Variants in HSDL2 observed in about 807,000 individuals in gnomAD.
HSDL2 encodes hydroxysteroid dehydrogenase like 2, also known as hydroxysteroid dehydrogenase-like protein 2.
Under a neutral mutation model 46.3 loss-of-function variants are expected in HSDL2, and 27 were observed. That is an observed-to-expected ratio of 0.58 (90% confidence interval 0.43 to 0.80). The LOEUF is 0.80. Among genes scored for constraint, HSDL2 ranks in the 30% least tolerant of loss-of-function variants. The pLI, the probability that HSDL2 is intolerant of heterozygous loss-of-function variation, is 0.00. For missense variants in HSDL2, 451 were observed against 502.7 expected, an observed-to-expected ratio of 0.90 and a Z score of 0.98; for synonymous variants, 153 against 163.6, an observed-to-expected ratio of 0.94 and a Z score of 0.50.
At chr9:112,415,680 G>T (rs1356626330) in intron 4 of HSDL2, among the ~76,000 whole-genome samples, 1 of 152,078 alleles carries the variant, frequency 6.6e-6, no homozygotes, top group Non-Finnish European at 1.5e-5. Context: ...TCAAGGATTT[G>T]TTTTTTTCCA....
chr9:112,456,897 A>G (rs776333367), intron 9 of HSDL2, among the ~76,000 whole-genome samples: 33 of 152,098 alleles, frequency 2.2e-4, no homozygotes, highest in Admixed American at 3.3e-4. Context: ...GCTCGTGCCT[A>G]TTATCCCAGC....
chr9:112,464,491 G>A (rs959869313), intron 10 of HSDL2, among the ~76,000 whole-genome samples: 5 of 151,596 alleles, frequency 3.3e-5, no homozygotes, highest in South Asian at 2.1e-4. Context: ...CTTTTTTACC[G>A]TTGTGAAATG....
At chr9:112,419,930 T>C (rs1240571152) in intron 6 of HSDL2, among the ~76,000 whole-genome samples, 1 of 152,244 alleles carries the variant, frequency 6.6e-6, no homozygotes, top group African/African-American at 2.4e-5. Context: ...TCTTACCCTC[T>C]GCTTGTATAT....
chr9:112,410,659 GCTCATGCTTGTAATC>G (rs35996801), intron 4 of HSDL2, among the ~76,000 whole-genome samples: 69,251 of 151,904 alleles, frequency 0.46, 15,933 homozygotes, highest in South Asian at 0.51. Flanking sequence ...AGGCATGGCG[GCTCATGCTTGTAATC>G]CCAGCACTTT....
At chr9:112,438,333 C>A (rs1587955304) in intron 6 of HSDL2, 98 bp from the exon 7 acceptor site, 2 of 802,644 alleles carry the variant, frequency 2.5e-6, no homozygotes, top group Non-Finnish European at 3.5e-6. Flanking sequence ...AAGGATTAGC[C>A]TTGATAATTG....
Position 112,380,114 on chromosome 9 carries a change from C to G in HSDL2, c.-50C>G. On this transcript the variant is annotated 5_prime_UTR_variant, in exon 1 of 11. Coordinates refer to ENST00000398805, the MANE Select transcript of HSDL2 (RefSeq NM_032303.5). Reference sequence around the variant, plus strand: ...GGAGGGACGGTCCAGCTTTAGCTCTCTGCTCGCCGCCGCCGCTGTCGCCGC... The same window carrying G: ...GGAGGGACGGTCCAGCTTTAGCTCTGTGCTCGCCGCCGCCGCTGTCGCCGC... The G allele has an allele frequency of 6.6e-7, 1 of 1,520,254 alleles. No individual in the cohort carries two copies. The highest frequency in any genetic ancestry group is 1.4e-5 in the African/African-American group (1 of 72,622). The allele number at this position is 1,520,254 out of a possible 1,614,324, so 94.2% of individuals were successfully genotyped here.
intron 6 of HSDL2, among the ~76,000 whole-genome samples, chr9:112,422,949 T>C (rs771633238): frequency 8.5e-5 from 13 of 152,200 alleles, no homozygotes; most frequent in Non-Finnish European, 1.6e-4. Flanking sequence ...ACGTTGCTGA[T>C]ACAAAGGGAC....
At chr9:112,421,011 G>A (rs1832109707) in intron 6 of HSDL2, among the ~76,000 whole-genome samples, 2 of 152,122 alleles carry the variant, frequency 1.3e-5, no homozygotes, top group South Asian at 4.1e-4. Flanking sequence ...TGCATAGTGG[G>A]AACCACTTTT....
At chr9:112,394,844 A>G (rs1831423446) in intron 1 of HSDL2, among the ~76,000 whole-genome samples, 1 of 152,178 alleles carries the variant, frequency 6.6e-6, no homozygotes, top group Non-Finnish European at 1.5e-5. Context: ...GAGTGGGGCA[A>G]TGGTCATCTG....
At chr9:112,455,491 T>C (rs576640234) in intron 9 of HSDL2, among the ~76,000 whole-genome samples, 16 of 152,270 alleles carry the variant, frequency 1.1e-4, no homozygotes, top group African/African-American at 3.8e-4. Context: ...AGCCTAGTCC[T>C]GGCTGAATCA....
At chr9:112,457,168 A>T (rs1216887942) in intron 9 of HSDL2, among the ~76,000 whole-genome samples, 2 of 152,062 alleles carry the variant, frequency 1.3e-5, no homozygotes, top group African/African-American at 4.8e-5. Flanking sequence ...AGAAAAAAAA[A>T]TGGAGGAAAT....
At chr9:112,431,121 C>T (rs1003200472) in intron 6 of HSDL2, among the ~76,000 whole-genome samples, 10 of 150,816 alleles carry the variant, frequency 6.6e-5, no homozygotes, top group Middle Eastern at 3.5e-3. Flanking sequence ...ACAGTGGAGT[C>T]GCCAGGAACT....
intron 8 of HSDL2, among the ~76,000 whole-genome samples, chr9:112,453,612 C>T (rs979125728): frequency 2.0e-5 from 3 of 152,084 alleles, no homozygotes; most frequent in South Asian, 2.1e-4. Context: ...AGGCTGGTCT[C>T]GAACTCCTGG....
chr9:112,414,981 C>T (rs369874851), intron 4 of HSDL2, among the ~76,000 whole-genome samples: 82 of 151,788 alleles, frequency 5.4e-4, no homozygotes, highest in African/African-American at 1.8e-3. Flanking sequence ...TGGACAAGTT[C>T]AGAGTCCTAG....
intron 4 of HSDL2, among the ~76,000 whole-genome samples, chr9:112,415,406 T>G (rs548374736): frequency 6.6e-6 from 1 of 152,292 alleles, no homozygotes; most frequent in Non-Finnish European, 1.5e-5. Flanking sequence ...TGGTCAATCA[T>G]AGAAGGTAGT....
chr9:112,425,528 T>G (rs1832224453), intron 6 of HSDL2, among the ~76,000 whole-genome samples: 1 of 152,182 alleles, frequency 6.6e-6, no homozygotes. Flanking sequence ...AACTCTTGAT[T>G]GTAAAGTTCA....
intron 10 of HSDL2, among the ~76,000 whole-genome samples, chr9:112,460,396 A>T (rs544429372): frequency 5.9e-5 from 9 of 152,320 alleles, no homozygotes; most frequent in South Asian, 4.1e-4. Context: ...TGTACTAATG[A>T]TCAGCATTTC....
At chr9:112,427,962 G>T (rs549084442) in intron 6 of HSDL2, among the ~76,000 whole-genome samples, 1 of 152,290 alleles carries the variant, frequency 6.6e-6, no homozygotes, top group South Asian at 2.1e-4. Context: ...ATTTAATCCA[G>T]CATTTATGCA....
chr9:112,421,544 T>A (rs1258313666), intron 6 of HSDL2, among the ~76,000 whole-genome samples: 1 of 152,116 alleles, frequency 6.6e-6, no homozygotes, highest in East Asian at 1.9e-4. Flanking sequence ...TTCATATTCT[T>A]CATTACATTT....
Sources: gnomAD v4.1 joint callset for allele counts (sites outside exome capture counted in the v4.1 genomes callset) on GRCh38, gnomAD v4.1.1 for gene constraint, MANE v1.5 for transcripts, NCBI Gene and HGNC (gene_info 2026-07-23, HGNC 2026-07-21) for gene names.